Variants in RNF14 observed in about 807,000 individuals in gnomAD.
The protein encoded by RNF14 is ring finger protein 14.
RNF14 carries 26 observed loss-of-function variants against 52.6 expected under a neutral mutation model. That is an observed-to-expected ratio of 0.49 (90% CI 0.36 to 0.69). RNF14 has a LOEUF of 0.69. Ranked by LOEUF, RNF14 falls within the 30% of genes least tolerant of loss-of-function variation. The probability of loss-of-function intolerance (pLI) is 0.00; values close to 1 mark genes in which losing one functional copy is unlikely to be tolerated. For synonymous variants in RNF14, 194 were observed against 202.0 expected (o/e 0.96, Z 0.34); for missense variants, 404 against 560.4 (o/e 0.72, Z 2.82).
intron 2 of RNF14, among the ~76,000 whole-genome samples, chr5:141,972,928 CTT>C (rs1448327290): frequency 1.3e-5 from 2 of 152,074 alleles, no homozygotes; most frequent in Admixed American, 1.3e-4. Flanking sequence ...ACTTTGACCA[CTT>C]TTGCGAACCA....
intron 1 of RNF14, chr5:141,969,628 C>A (rs1753557994): frequency 6.6e-6 from 1 of 152,286 alleles, no homozygotes; most frequent in African/African-American, 2.4e-5. Context: ...GTACTGGATT[C>A]CAAGTGACAG....
chr5:141,957,257 C>A, upstream of RNF14: 1 of 1,614,088 alleles, frequency 6.2e-7, no homozygotes, highest in Non-Finnish European at 8.5e-7. The surrounding 1 kb of genome is among the most constrained non-coding windows in gnomAD (Gnocchi z 4.3). Context: ...AGCTCCTTCA[C>A]CACTATGAGT....
chr5:141,954,948 AAG>A, upstream of RNF14: 1 of 1,592,668 alleles, frequency 6.3e-7, no homozygotes, highest in African/African-American at 1.3e-5. Context: ...TGACCAGAGA[AAG>A]AGCTGCCCAT....
At chr5:141,980,400 C>T (rs1561554437) in intron 6 of RNF14, 49 bp downstream of exon 6, 1 of 1,356,632 alleles carries the variant, frequency 7.4e-7, no homozygotes. Flanking sequence ...CTCTCCCTCA[C>T]ATTTCACTCT....
chr5:141,957,326 GAGAC>G (rs1424412294), upstream of RNF14: 3 of 1,613,480 alleles, frequency 1.9e-6, no homozygotes, highest in East Asian at 6.7e-5. The surrounding 1 kb of genome is among the most constrained non-coding windows in gnomAD (Gnocchi z 4.3). Context: ...TGCTCACTGG[GAGAC>G]AGAGTGTAGG....
chr5:141,964,947 A>C (rs190239560), upstream of RNF14, among the ~76,000 whole-genome samples: 13 of 148,348 alleles, frequency 8.8e-5, no homozygotes, highest in East Asian at 2.5e-3. Flanking sequence ...AATTTTTTTT[A>C]AAAAAAAACA....
chr5:141,957,158 C>T, upstream of RNF14: 17 of 1,614,200 alleles, frequency 1.1e-5, no homozygotes, highest in Non-Finnish European at 1.2e-5. This position sits in a 1 kb window ranked among gnomAD's most constrained non-coding sequence, Gnocchi z 4.3. Context: ...AAGACGTTGA[C>T]CTTGACCAAG....
At chr5:141,973,485 G>A (rs550865502) in intron 2 of RNF14, 98 bp from the exon 3 acceptor site, 91 of 942,042 alleles carry the variant, frequency 9.7e-5, no homozygotes, top group Non-Finnish European at 1.2e-4. Context: ...TGATCCGCCC[G>A]CCTCGGCCTC....
chr5:141,987,497 C>G (rs1158707203), intron 8 of RNF14, among the ~76,000 whole-genome samples: 1 of 152,042 alleles, frequency 6.6e-6, no homozygotes, highest in Non-Finnish European at 1.5e-5. Context: ...ATCTTCTAGG[C>G]CAGTGGGAAT....
At chr5:141,983,170 A>G (rs35097018) in intron 6 of RNF14, among the ~76,000 whole-genome samples, 16,524 of 152,130 alleles carry the variant, frequency 0.11, 1,081 homozygotes, top group African/African-American at 0.18. Flanking sequence ...ATGTCATTAA[A>G]TGGCTCTTCC....
At chr5:141,949,400 G>A in the RNF14 span, 1 of 1,591,288 alleles carries the variant, frequency 6.3e-7, no homozygotes, top group Non-Finnish European at 8.6e-7. Context: ...TGGGGCAGAA[G>A]CAGGGTCAAG....
chr5:141,953,017 A>G, the RNF14 span: 7 of 152,190 alleles, frequency 4.6e-5, no homozygotes, highest in African/African-American at 1.4e-4. Flanking sequence ...CTCAGGGAAG[A>G]TCCCACCTCC....
At chr5:141,958,201 A>G (rs559279874), upstream of RNF14, 14 of 232,520 alleles carry the variant, frequency 6.0e-5, no homozygotes, top group South Asian at 1.5e-3. Flanking sequence ...AACAGTTGCT[A>G]GGCTGGGGAA....
chr5:141,957,864 G>A (rs756428098), upstream of RNF14: 9 of 1,592,116 alleles, frequency 5.7e-6, no homozygotes, highest in South Asian at 1.0e-4. The surrounding 1 kb of genome is among the most constrained non-coding windows in gnomAD (Gnocchi z 4.3). Flanking sequence ...TTACCGCCAA[G>A]TGGGCTAGAT....
upstream of RNF14, chr5:141,955,248 G>A (rs758295361): frequency 1.8e-5 from 29 of 1,614,096 alleles, 1 homozygote; most frequent in African/African-American, 1.9e-4. The surrounding 1 kb of genome is among the most constrained non-coding windows in gnomAD (Gnocchi z 5.5). Context: ...TGGCAGGCTG[G>A]GGCTCGGGAA....
upstream of RNF14, chr5:141,955,448 C>T (rs1338122515): frequency 6.2e-7 from 1 of 1,614,076 alleles, no homozygotes; most frequent in Admixed American, 1.7e-5. The surrounding 1 kb of genome is among the most constrained non-coding windows in gnomAD (Gnocchi z 5.5). Context: ...TCCATCATCG[C>T]CTCCTTGTCC....
intron 1 of RNF14, among the ~76,000 whole-genome samples, chr5:141,961,562 G>C (rs1331955362): frequency 6.6e-6 from 1 of 152,194 alleles, no homozygotes; most frequent in African/African-American, 2.4e-5. Context: ...AAATAGGTTT[G>C]AAGGAGTGGA....
upstream of RNF14, among the ~76,000 whole-genome samples, chr5:141,967,258 A>C (rs191092596): frequency 9.7e-4 from 148 of 152,314 alleles, no homozygotes; most frequent in African/African-American, 3.4e-3. Flanking sequence ...TCTCATTCAG[A>C]AATTATTAAG....
At chr5:141,976,776 C>CTTTT (rs70991717) in intron 4 of RNF14, among the ~76,000 whole-genome samples, 14 of 100,074 alleles carry the variant, frequency 1.4e-4, no homozygotes, top group Non-Finnish European at 1.8e-4. Flanking sequence ...CTTTCTCTCT[C>CTTTT]TTTTTTTTTT....
Sources: gnomAD v4.1 joint callset for allele counts (sites outside exome capture counted in the v4.1 genomes callset) on GRCh38, gnomAD v4.1.1 for gene constraint, Gnocchi (gnomAD v3.1) non-coding constraint, MANE v1.5 for transcripts, NCBI Gene and HGNC (gene_info 2026-07-23, HGNC 2026-07-21) for gene names.